Variants in GTF2H1 observed in about 807,000 individuals in gnomAD.
GTF2H1 encodes general transcription factor IIH subunit 1.
GTF2H1 carries 16 observed loss-of-function variants against 71.2 expected under a neutral mutation model. The ratio of observed to expected loss-of-function variants is 0.22; its 90% CI spans 0.15 to 0.34. GTF2H1 has a LOEUF of 0.34. Among genes scored for constraint, GTF2H1 ranks in the 10% least tolerant of loss-of-function variants. The pLI, the probability that GTF2H1 is intolerant of heterozygous loss-of-function variation, is 1.00. For missense variants in GTF2H1, 498 were observed against 648.2 expected, an observed-to-expected ratio of 0.77 and a Z score of 2.52; for synonymous variants, 215 against 219.0, an observed-to-expected ratio of 0.98 and a Z score of 0.16.
chr11:18,335,982 TG>T, intron 3 of GTF2H1, 36 bp downstream of exon 3: 2 of 1,504,000 alleles, frequency 1.3e-6, no homozygotes, highest in Middle Eastern at 1.7e-4. Context: ...AAAGAGATAC[TG>T]GGTTCTCTAT....
At chr11:18,332,366 T>A (rs536851203) in intron 1 of GTF2H1, among the ~76,000 whole-genome samples, 1 of 152,268 alleles carries the variant, frequency 6.6e-6, no homozygotes, top group South Asian at 2.1e-4. Context: ...ACAGCCACAC[T>A]CAAGCCTGGA....
chr11:18,360,802 A>C, intron 14 of GTF2H1, 95 bp downstream of exon 14: 1 of 657,376 alleles, frequency 1.5e-6, no homozygotes, highest in Non-Finnish European at 2.6e-6. Context: ...TAGATACTTA[A>C]TTTTCTTTTT....
At chr11:18,352,176 C>T in intron 10 of GTF2H1, 153 bp from the exon 11 acceptor site, 1 of 633,212 alleles carries the variant, frequency 1.6e-6, no homozygotes, top group South Asian at 2.1e-5. Context: ...TTCTTATTGC[C>T]CTTATGGGAA....
chr11:18,344,335 ATAG>A (rs1865232907), intron 7 of GTF2H1, among the ~76,000 whole-genome samples: 2 of 152,078 alleles, frequency 1.3e-5, no homozygotes. Context: ...TAATTATAAT[ATAG>A]GCCGGGCGTG....
At chr11:18,337,653 T>A (rs932377463) in intron 3 of GTF2H1, among the ~76,000 whole-genome samples, 1 of 151,952 alleles carries the variant, frequency 6.6e-6, no homozygotes, top group South Asian at 2.1e-4. Flanking sequence ...ATATAACTAT[T>A]TACCTTGTAT....
chr11:18,350,607 C>G (rs897053783), intron 9 of GTF2H1, among the ~76,000 whole-genome samples: 2 of 151,930 alleles, frequency 1.3e-5, no homozygotes, highest in Non-Finnish European at 1.5e-5. Context: ...CAGATTTGTT[C>G]CTGTACCATA....
chr11:18,333,181 A>C lies in GTF2H1; in HGVS notation c.107A>C (p.Glu36Ala). The C allele has an allele frequency of 6.2e-7, 1 of 1,613,758 alleles. No individual in the cohort carries two copies. The highest frequency in any genetic ancestry group is 8.5e-7 in the Non-Finnish European group (1 of 1,179,780). ...LMAERIAWAP[E>A]GKDRFTISHM... ...GCAGAAAGAATTGCTTGGGCACCTG[A>C]AGGCAAAGATAGATTTACAATCAGC... is the stretch of plus-strand genomic sequence containing the variant. Residue 36 changes from glutamate (E) to alanine (A), a missense_variant, in exon 2 of 15, where the codon GAA becomes GCA. Glu to Ala is a moderately radical substitution (Grantham distance 107). Transcript: ENST00000265963.
intron 14 of GTF2H1, among the ~76,000 whole-genome samples, chr11:18,361,640 G>T (rs1164967764): frequency 2.0e-5 from 3 of 152,334 alleles, no homozygotes; most frequent in East Asian, 1.9e-4. Flanking sequence ...CCGCACTCCA[G>T]CCTGGGTGAC....
chr11:18,344,047 ACTC>A (rs1865226658), intron 7 of GTF2H1, among the ~76,000 whole-genome samples: 1 of 151,624 alleles, frequency 6.6e-6, no homozygotes, highest in Non-Finnish European at 1.5e-5. Flanking sequence ...GCTGGTCTGA[ACTC>A]CTGGGCTCAA....
chr11:18,352,470 G>A (rs1307643518), intron 11 of GTF2H1, 24 bp downstream of exon 11: 1 of 895,692 alleles, frequency 1.1e-6, no homozygotes, highest in Admixed American at 1.8e-5. Context: ...ACTGTTTGAA[G>A]GCCAGAATTC....
rs565965072 is a variant in GTF2H1 at position 18,331,612 on chromosome 11, G to A, written c.-15-1448G>A. Among the ~76,000 whole-genome samples the A allele has an allele frequency of 6.1e-4, 93 of 152,126 alleles. 1 individual carries two copies. The highest frequency in any genetic ancestry group is 7.6e-4 in the Non-Finnish European group (52 of 67,974). Reference sequence around the variant, plus strand: ...ACCCAGGAGGCGAAGGTTGTGGTGAGCTGAGATCACACCATTGCATTCCAG... The same window carrying A: ...ACCCAGGAGGCGAAGGTTGTGGTGAACTGAGATCACACCATTGCATTCCAG... On this transcript the variant is annotated intron_variant, in intron 1 of 14. Transcript: ENST00000265963.
intron 7 of GTF2H1, among the ~76,000 whole-genome samples, chr11:18,344,162 A>G (rs1220190040): frequency 6.6e-6 from 1 of 152,110 alleles, no homozygotes; most frequent in Non-Finnish European, 1.5e-5. Flanking sequence ...TCAGTGTATC[A>G]ACAAGCCTCG....
Position 18,341,392 on chromosome 11 carries a change from G to A in GTF2H1, c.739G>A (p.Ala247Thr). 4.3e-6 allele frequency: 7 copies of A among 1,613,812 alleles called. No homozygotes were observed. Among genetic ancestry groups the A allele is most frequent in the Non-Finnish European group, 5.9e-6 (7 of 1,179,916 alleles). ...GTCAAAGGATCTCTTTGCAGAATGTGCCAAAATAGATGAAAAAGGTAACTG... is the reference window on the plus strand; with the variant it reads ...GTCAAAGGATCTCTTTGCAGAATGTACCAAAATAGATGAAAAAGGTAACTG... Reference protein sequence around the residue: ...TGSKDLFAECAKIDEKGLKTM... With the variant: ...TGSKDLFAECTKIDEKGLKTM... Residue 247 changes from alanine (A) to threonine (T), a missense_variant, in exon 6 of 15, where the codon GCC becomes ACC. Transcript: ENST00000265963.
At chr11:18,343,842 CTCT>C (rs879939096) in intron 7 of GTF2H1, among the ~76,000 whole-genome samples, 1 of 152,014 alleles carries the variant, frequency 6.6e-6, no homozygotes, top group Non-Finnish European at 1.5e-5. Context: ...TTGATTCTTC[CTCT>C]TCTTTTTTAT....
chr11:18,337,253 A>T (rs1042020398), intron 3 of GTF2H1, among the ~76,000 whole-genome samples: 1 of 151,592 alleles, frequency 6.6e-6, no homozygotes, highest in Non-Finnish European at 1.5e-5. Context: ...ACATGGTGAA[A>T]CTCCACGTCT....
chr11:18,339,483 A>T, intron 4 of GTF2H1, 81 bp from the exon 5 acceptor site: 1 of 909,308 alleles, frequency 1.1e-6, no homozygotes, highest in South Asian at 1.6e-5. Flanking sequence ...TTTTTTTTCC[A>T]CCTTTGTCCA....
chr11:18,338,568 C>T (rs902379903), intron 4 of GTF2H1, among the ~76,000 whole-genome samples: 5 of 152,138 alleles, frequency 3.3e-5, no homozygotes, highest in African/African-American at 1.2e-4. Context: ...TTCAGCCTCT[C>T]AAGTAGCTGG....
chr11:18,346,733 CTTT>C (rs35494754), intron 7 of GTF2H1, among the ~76,000 whole-genome samples: 9 of 85,216 alleles, frequency 1.1e-4, no homozygotes, highest in African/African-American at 4.4e-4. Context: ...TTTTTATTTA[CTTT>C]TTTTTTTTTT....
chr11:18,334,794 T>G (rs1378209596), intron 2 of GTF2H1, among the ~76,000 whole-genome samples: 1 of 152,196 alleles, frequency 6.6e-6, no homozygotes, highest in Non-Finnish European at 1.5e-5. Context: ...CACCTAGATA[T>G]TAGTTATTAT....
Sources: allele counts gnomAD v4.1 joint callset (sites outside exome capture counted in the v4.1 genomes callset), GRCh38; gene constraint gnomAD v4.1.1; transcripts MANE v1.5; gene names NCBI Gene and HGNC (gene_info 2026-07-23, HGNC 2026-07-21).